The following ERC2 variants were observed in gnomAD, a reference collection of about 807,000 sequenced individuals.
ERC2 encodes the protein ERC protein 2.
A neutral mutation model predicts 114.8 loss-of-function variants in ERC2; 42 were observed. The ratio of observed to expected loss-of-function variants is 0.37; its 90% CI spans 0.29 to 0.47. The LOEUF is 0.47. Among genes scored for constraint, ERC2 ranks in the 20% least tolerant of loss-of-function variants. ERC2 has a pLI of 0.99. For missense variants in ERC2, 939 were observed against 1,150.7 expected, an observed-to-expected ratio of 0.82 and a Z score of 2.66; for synonymous variants, 454 against 425.5, an observed-to-expected ratio of 1.07 and a Z score of -0.82.
At chr3:56,317,892 G>A (rs2056945012) in intron 2 of ERC2, among the ~76,000 whole-genome samples, 1 of 152,174 alleles carries the variant, frequency 6.6e-6, no homozygotes, top group Non-Finnish European at 1.5e-5. Context: ...CATTAACATG[G>A]TATCTGAGCA....
intron 3 of ERC2, among the ~76,000 whole-genome samples, chr3:56,202,443 T>C (rs1206445500): frequency 1.3e-5 from 2 of 151,040 alleles, no homozygotes; most frequent in African/African-American, 4.8e-5. Flanking sequence ...CACTGCAATC[T>C]ACAGCAAAAG....
At chr3:55,632,972 A>AT (rs1157174683) in intron 17 of ERC2, among the ~76,000 whole-genome samples, 2 of 152,018 alleles carry the variant, frequency 1.3e-5, no homozygotes, top group Admixed American at 1.3e-4. Context: ...CCTTGTCACT[A>AT]TTTTTTCCAG....
At chr3:55,739,447 C>T (rs1241492681) in intron 14 of ERC2, among the ~76,000 whole-genome samples, 1 of 152,146 alleles carries the variant, frequency 6.6e-6, no homozygotes, top group East Asian at 1.9e-4. Flanking sequence ...TTAATGATCG[C>T]CATTCTAACT....
intron 14 of ERC2, among the ~76,000 whole-genome samples, chr3:55,769,653 T>C (rs957473244): frequency 6.6e-6 from 1 of 152,180 alleles, no homozygotes; most frequent in Non-Finnish European, 1.5e-5. Flanking sequence ...AGCAATTTCA[T>C]TGGGTTCAAT....
At chr3:55,770,248 T>C (rs1338257081) in intron 14 of ERC2, among the ~76,000 whole-genome samples, 1 of 152,198 alleles carries the variant, frequency 6.6e-6, no homozygotes, top group Non-Finnish European at 1.5e-5. Context: ...ACCACTGAGC[T>C]GTAGGGGTCA....
chr3:56,244,692 A>G (rs2051562191), intron 3 of ERC2, among the ~76,000 whole-genome samples: 1 of 152,246 alleles, frequency 6.6e-6, no homozygotes, highest in South Asian at 2.1e-4. Flanking sequence ...GCTTTATAAA[A>G]TGTAAAAATT....
At chr3:55,721,584 G>A (rs2064555039) in intron 15 of ERC2, among the ~76,000 whole-genome samples, 2 of 152,228 alleles carry the variant, frequency 1.3e-5, no homozygotes, top group African/African-American at 2.4e-5. Flanking sequence ...GAAGCAAAAT[G>A]AGCTGCCCAA....
At chr3:56,169,165 A>C (rs1575663668) in intron 4 of ERC2, among the ~76,000 whole-genome samples, 2 of 151,842 alleles carry the variant, frequency 1.3e-5, no homozygotes, top group Admixed American at 6.6e-5. Flanking sequence ...AACTTTTACT[A>C]AAACCCTTAC....
intron 2 of ERC2, among the ~76,000 whole-genome samples, chr3:56,356,512 G>A (rs1008105471): frequency 6.6e-5 from 10 of 152,174 alleles, no homozygotes; most frequent in East Asian, 1.9e-4. Flanking sequence ...ATTCACATCC[G>A]ACTCCTGAGC....
At position 55,533,569 on chromosome 3, in the gene ERC2, T is replaced by C. The variant is rs114843646; in HGVS notation, c.*40-22293A>G. 5.5e-3 allele frequency among the ~76,000 whole-genome samples: 835 copies of C among 151,940 alleles called. 1 individual carries two copies. The highest frequency in any genetic ancestry group is 9.5e-3 in the Non-Finnish European group (648 of 67,962). Reference sequence around the variant, plus strand: ...CAAAAGGAGCAAAGAAGCCAAAGAGTAGAAGACTGCCAAGAAGAGAGGAGG... The same window carrying C: ...CAAAAGGAGCAAAGAAGCCAAAGAGCAGAAGACTGCCAAGAAGAGAGGAGG... On this transcript the variant is annotated intron_variant, in intron 17 of 17. Coordinates refer to ENST00000288221, the MANE Select transcript of ERC2 (RefSeq NM_015576.3).
intron 12 of ERC2, among the ~76,000 whole-genome samples, chr3:55,960,545 G>C (rs1305979340): frequency 6.6e-6 from 1 of 152,146 alleles, no homozygotes; most frequent in Non-Finnish European, 1.5e-5. Flanking sequence ...CCATGCACTT[G>C]TTTCACAGCA....
intron 3 of ERC2, among the ~76,000 whole-genome samples, chr3:56,272,350 C>T (rs2053709054): frequency 1.3e-5 from 2 of 152,250 alleles, no homozygotes; most frequent in South Asian, 4.1e-4. Flanking sequence ...AGAAGAGTCC[C>T]ATTATCAGCA....
At chr3:55,617,146 T>C (rs2059153768) in intron 17 of ERC2, among the ~76,000 whole-genome samples, 1 of 152,172 alleles carries the variant, frequency 6.6e-6, no homozygotes, top group South Asian at 2.1e-4. Flanking sequence ...GAGGACTTAA[T>C]GGAAATCTGT....
intron 17 of ERC2, among the ~76,000 whole-genome samples, chr3:55,619,008 T>A (rs989027193): frequency 6.6e-6 from 1 of 152,146 alleles, no homozygotes; most frequent in African/African-American, 2.4e-5. Context: ...AATGGAATGG[T>A]AAAACCACAA....
chr3:55,850,845 A>AAC (rs61573924), intron 14 of ERC2, among the ~76,000 whole-genome samples: 15,578 of 125,718 alleles, frequency 0.12, 960 homozygotes, highest in East Asian at 0.19. Context: ...CTCTTTTTCA[A>AAC]ACACACACAC....
chr3:56,238,922 A>G (rs1040284159), intron 3 of ERC2, among the ~76,000 whole-genome samples: 6 of 152,244 alleles, frequency 3.9e-5, no homozygotes, highest in African/African-American at 7.2e-5. Flanking sequence ...AAAGCTTTAA[A>G]TGAATTACAG....
chr3:55,744,168 C>G (rs958946623), intron 14 of ERC2, among the ~76,000 whole-genome samples: 1 of 152,004 alleles, frequency 6.6e-6, no homozygotes, highest in Non-Finnish European at 1.5e-5. Context: ...TTTGGGAGGC[C>G]GAGGTGGGTG....
intron 14 of ERC2, among the ~76,000 whole-genome samples, chr3:55,840,745 A>G (rs1391010858): frequency 6.6e-6 from 1 of 152,166 alleles, no homozygotes; most frequent in African/African-American, 2.4e-5. Flanking sequence ...GCGGCAACAA[A>G]TGAACAGACA....
chr3:56,363,253 A>T (rs753199238), intron 2 of ERC2, among the ~76,000 whole-genome samples: 1 of 152,204 alleles, frequency 6.6e-6, no homozygotes, highest in Non-Finnish European at 1.5e-5. Context: ...ACAAAAATAG[A>T]TCTGCTGAAT....
Sources: allele counts gnomAD v4.1 joint callset (sites outside exome capture counted in the v4.1 genomes callset), GRCh38; gene constraint gnomAD v4.1.1; transcripts MANE v1.5; gene names NCBI Gene and HGNC (gene_info 2026-07-23, HGNC 2026-07-21).